The following STRA8 variants were observed in gnomAD, a reference collection of about 807,000 sequenced individuals.
The protein encoded by STRA8 is stimulated by retinoic acid gene 8 protein homolog.
In STRA8, 18 loss-of-function variants were observed where a neutral mutation model predicts 37.1. The ratio of observed to expected loss-of-function variants is 0.48; its 90% CI spans 0.34 to 0.72. The LOEUF (loss-of-function observed/expected upper bound fraction) is 0.72. STRA8 is among the 30% of genes least tolerant of loss of function. The pLI, the probability that STRA8 is intolerant of heterozygous loss-of-function variation, is 0.01. For missense variants in STRA8, 357 were observed against 410.4 expected, an observed-to-expected ratio of 0.87 and a Z score of 1.13; for synonymous variants, 168 against 162.9, an observed-to-expected ratio of 1.03 and a Z score of -0.24.
upstream of STRA8, chr7:135,232,085 T>C: frequency 1.5e-5 from 21 of 1,397,300 alleles, no homozygotes; most frequent in Non-Finnish European, 1.9e-5. Flanking sequence ...ACATTTTTTC[T>C]GGGTGCACAT....
At chr7:135,254,938 C>A (rs973827347) in intron 7 of STRA8, among the ~76,000 whole-genome samples, 176 bp from the exon 8 acceptor site, 1 of 152,168 alleles carries the variant, frequency 6.6e-6, no homozygotes, top group Non-Finnish European at 1.5e-5. Flanking sequence ...CAGGGGATTC[C>A]AGACATGATA....
At position 135,246,833 on chromosome 7, in the gene STRA8, G is replaced by A; in HGVS notation, c.879+131G>A. The A allele has an allele frequency of 1.0e-6, 1 of 986,912 alleles. No homozygotes were observed. The highest frequency in any genetic ancestry group is 1.4e-6 in the Non-Finnish European group (1 of 708,446). The allele number at this position is 986,912 out of a possible 1,614,324, so 61.1% of individuals were successfully genotyped here. A position where few individuals can be genotyped will look rare whatever the true frequency, so the allele number is the denominator to read the frequency against. On this transcript the variant is annotated intron_variant, in intron 6 of 8. Coordinates refer to ENST00000662584, the MANE Select transcript of STRA8 (RefSeq NM_001394401.1). The surrounding 1 kb of genome is among the most constrained non-coding windows in gnomAD (Gnocchi z 5.4). Reference sequence around the variant, plus strand: ...CTTCTGGCTCCCAAGGTCGGTTTCTGATTTTCTTTTTTCTCTTTTTTTTTT... The same window carrying A: ...CTTCTGGCTCCCAAGGTCGGTTTCTAATTTTCTTTTTTCTCTTTTTTTTTT...
chr7:135,241,797 G>T (rs1208952822), intron 2 of STRA8, among the ~76,000 whole-genome samples: 1 of 152,144 alleles, frequency 6.6e-6, no homozygotes, highest in Non-Finnish European at 1.5e-5. Context: ...AGCACCCTGA[G>T]AGAGGGGACT....
intron 8 of STRA8, among the ~76,000 whole-genome samples, chr7:135,258,187 G>T (rs1284612861): frequency 6.6e-6 from 1 of 152,196 alleles, no homozygotes; most frequent in African/African-American, 2.4e-5. Flanking sequence ...AGCCAGTTCT[G>T]CTGTGTCCTT....
At chr7:135,243,178 G>T in intron 3 of STRA8, 148 bp from the exon 4 acceptor site, 1 of 743,846 alleles carries the variant, frequency 1.3e-6, no homozygotes, top group Non-Finnish European at 2.2e-6. Context: ...TTCACACCTA[G>T]AAGGAAAAAC....
intron 6 of STRA8, chr7:135,247,013 T>C: frequency 3.4e-6 from 1 of 292,356 alleles, no homozygotes; most frequent in Non-Finnish European, 6.4e-6. Context: ...CCCGGCTAAT[T>C]TTTTTGTATT....
intron 1 of STRA8, among the ~76,000 whole-genome samples, chr7:135,240,196 C>T (rs552196104): frequency 2.6e-4 from 40 of 152,246 alleles, no homozygotes; most frequent in African/African-American, 8.7e-4. Flanking sequence ...TTCCAGGGCC[C>T]CTCAACTCTT....
At chr7:135,253,957 G>T (rs1216752181) in intron 7 of STRA8, among the ~76,000 whole-genome samples, 9 of 152,158 alleles carry the variant, frequency 5.9e-5, no homozygotes, top group African/African-American at 2.2e-4. Flanking sequence ...AACCCAGCTG[G>T]CCTTTCAGCA....
In STRA8 at chr7:135,246,742, A is replaced by C; in HGVS notation, c.879+40A>C. 4.0e-6 allele frequency: 6 copies of C among 1,484,662 alleles called. No homozygotes were observed. Among genetic ancestry groups the C allele is most frequent in the Non-Finnish European group, 5.3e-6 (6 of 1,125,824 alleles). The allele number at this position is 1,484,662 out of a possible 1,614,324, so 92.0% of individuals were successfully genotyped here. On this transcript the variant is annotated intron_variant, in intron 6 of 8. Coordinates refer to ENST00000662584, the MANE Select transcript of STRA8 (RefSeq NM_001394401.1). This position sits in a 1 kb window ranked among gnomAD's most constrained non-coding sequence, Gnocchi z 5.4. ...CGGGGTGGCGTGGATGGGGCACGGG[A>C]ACCACCCTCGCCCTCGCCTGGGGAC...
chr7:135,245,160 A>G (rs1400614146), intron 4 of STRA8, 128 bp from the exon 5 acceptor site: 2 of 634,706 alleles, frequency 3.2e-6, no homozygotes, highest in Non-Finnish European at 5.8e-6. Flanking sequence ...TCATTTGGTC[A>G]TGATGTGTAC....
At chr7:135,249,560 G>A (rs1240436043) in intron 6 of STRA8, among the ~76,000 whole-genome samples, 2 of 152,126 alleles carry the variant, frequency 1.3e-5, no homozygotes, top group Admixed American at 6.5e-5. Context: ...CTCCAGCCTG[G>A]GTGACAAGAG....
chr7:135,253,589 A>C (rs1045959531), intron 7 of STRA8, among the ~76,000 whole-genome samples: 2 of 152,166 alleles, frequency 1.3e-5, no homozygotes, highest in African/African-American at 4.8e-5. Flanking sequence ...AGGAGGGGAG[A>C]AAAGGATAGC....
intron 6 of STRA8, 119 bp from the exon 7 acceptor site, chr7:135,251,677 A>AT: frequency 1.1e-6 from 1 of 940,808 alleles, no homozygotes; most frequent in Non-Finnish European, 1.7e-6. Context: ...TCTGACATGC[A>AT]TGCCCTCTGG....
intron 1 of STRA8, among the ~76,000 whole-genome samples, chr7:135,237,139 G>T (rs934286548): frequency 6.6e-6 from 1 of 152,198 alleles, no homozygotes; most frequent in African/African-American, 2.4e-5. Flanking sequence ...ATAGATGGAA[G>T]AAGGGGCAGT....
intron 1 of STRA8, among the ~76,000 whole-genome samples, chr7:135,237,087 G>C (rs550420433): frequency 2.0e-4 from 30 of 152,294 alleles, no homozygotes; most frequent in South Asian, 6.2e-4. Flanking sequence ...GTTGGCTCTA[G>C]ATCCATAGAA....
intron 1 of STRA8, among the ~76,000 whole-genome samples, chr7:135,239,552 A>T (rs752682907): frequency 2.1e-4 from 32 of 152,238 alleles, no homozygotes; most frequent in Non-Finnish European, 4.3e-4. Flanking sequence ...CTGAGGGTAC[A>T]GAAGTGACGA....
rs1429844229 is a variant in STRA8 at position 135,246,521 on chromosome 7, T to C, written c.698T>C (p.Leu233Pro). The change falls in exon 6 of 9, where the codon CTG becomes CCG. Residue 233 changes from leucine to proline, a missense_variant. Physicochemically the swap from Leu to Pro is moderately conservative, Grantham distance 98. Transcript: ENST00000662584. The surrounding 1 kb of genome is among the most constrained non-coding windows in gnomAD (Gnocchi z 5.4). ...ATCGTCTCCGCGGCCATCTCCCACC[T>C]GTGGCAGAACCTCTCGGAGGAGAGG... ...LPIVSAAISH[L>P]WQNLSEERKA... 4 of 1,576,422 alleles carry C rather than the reference T, an allele frequency of 2.5e-6. No homozygotes were observed. Among genetic ancestry groups the C allele is most frequent in the Non-Finnish European group, 3.4e-6 (4 of 1,160,936 alleles).
At chr7:135,249,527 T>G (rs1394495767) in intron 6 of STRA8, among the ~76,000 whole-genome samples, 2 of 151,550 alleles carry the variant, frequency 1.3e-5, no homozygotes, top group East Asian at 3.9e-4. Context: ...GAGGTTGCAG[T>G]GAGCCGAGAT....
intron 1 of STRA8, among the ~76,000 whole-genome samples, 92 bp downstream of exon 1, chr7:135,233,995 T>A (rs292629): frequency 0.95 from 145,316 of 152,218 alleles, 69,696 homozygotes; most frequent in East Asian, 1. Flanking sequence ...CAGCGGAGCC[T>A]AACAGGTGAA....
Sources: allele counts gnomAD v4.1 joint callset (sites outside exome capture counted in the v4.1 genomes callset), GRCh38; gene constraint gnomAD v4.1.1; non-coding constraint Gnocchi (gnomAD v3.1); transcripts MANE v1.5; gene names NCBI Gene and HGNC (gene_info 2026-07-23, HGNC 2026-07-21).